The following ZNF449 variants were observed in gnomAD, a reference collection of about 807,000 sequenced individuals.
ZNF449 encodes the protein zinc finger and SCAN domain-containing protein 19.
In ZNF449, 4 loss-of-function variants were observed where a neutral mutation model predicts 32.6. That is an observed-to-expected ratio of 0.12 (90% CI 0.06 to 0.28). The LOEUF is 0.28. Among genes scored for constraint, ZNF449 ranks in the 10% least tolerant of loss-of-function variants. The pLI is 1.00. For synonymous variants in ZNF449, 123 were observed against 132.2 expected, an observed-to-expected ratio of 0.93 and a Z score of 0.48; for missense variants, 275 against 383.2, an observed-to-expected ratio of 0.72 and a Z score of 2.36.
intron 3 of ZNF449, among the ~76,000 whole-genome samples, chrX:135,356,508 G>A (rs1461679427): frequency 1.8e-5 from 2 of 111,018 alleles, no homozygotes; most frequent in African/African-American, 6.5e-5. Context: ...ATTTTTAATT[G>A]AATTATTTGT....
At chrX:135,350,078 C>T (rs1180196889) in intron 3 of ZNF449, among the ~76,000 whole-genome samples, 2 of 107,727 alleles carry the variant, frequency 1.9e-5, no homozygotes, top group Non-Finnish European at 3.8e-5. Flanking sequence ...GCAATCTCGG[C>T]GCACTGTAAC....
In ZNF449 at chrX:135,363,313, T is replaced by A. The variant is rs2084957304; in HGVS notation, c.*2237T>A. 8.9e-6 allele frequency among the ~76,000 whole-genome samples: 1 copy of A among 112,077 alleles called. No individual in the cohort carries two copies. The highest frequency in any genetic ancestry group is 1.9e-5 in the Non-Finnish European group (1 of 53,198). On this transcript the variant is annotated 3_prime_UTR_variant, in exon 5 of 5. Transcript: ENST00000339249. Reference sequence around the variant, plus strand: ...GCATCATTTTTAGCATTTAATACAGTCCATTTTTGGCTAGTAGGGTTAGTT... The same window carrying A: ...GCATCATTTTTAGCATTTAATACAGACCATTTTTGGCTAGTAGGGTTAGTT...
At chrX:135,353,672 TA>T (rs1465059663) in intron 3 of ZNF449, among the ~76,000 whole-genome samples, 1 of 111,842 alleles carries the variant, frequency 8.9e-6, no homozygotes, top group Non-Finnish European at 1.9e-5. Flanking sequence ...CTTTTATTTT[TA>T]ATTGACATGT....
chrX:135,357,821 T>C (rs1033968162), intron 3 of ZNF449, among the ~76,000 whole-genome samples: 2 of 111,383 alleles, frequency 1.8e-5, no homozygotes, highest in Admixed American at 1.9e-4. Context: ...TTGTATGATA[T>C]ATCTTTTTCC....
chrX:135,345,569 C>G (rs1319662221), intron 1 of ZNF449, among the ~76,000 whole-genome samples: 2 of 112,265 alleles, frequency 1.8e-5, no homozygotes, highest in Non-Finnish European at 3.8e-5. Flanking sequence ...CTATTCGCTT[C>G]GCATGCAATT....
intron 3 of ZNF449, 54 bp from the exon 4 acceptor site, chrX:135,359,838 G>T: frequency 1.2e-6 from 1 of 841,233 alleles, no homozygotes; most frequent in Non-Finnish European, 1.7e-6. Context: ...CCTAAATTTT[G>T]GAAAAACCTT....
Position 135,349,097 on chromosome X carries a change from G to A in ZNF449, c.355-13G>A. 2 of 1,210,144 alleles carry A rather than the reference G, an allele frequency of 1.7e-6. No homozygotes were observed. The highest frequency in any genetic ancestry group is 2.2e-6 in the Non-Finnish European group (2 of 894,171). On this transcript the variant is annotated splice_polypyrimidine_tract_variant and intron_variant, in intron 2 of 4. Coordinates refer to ENST00000339249, the MANE Select transcript of ZNF449 (RefSeq NM_152695.6). ...TCTAGACTTGAGAGTGATGGTTCTGGCATTTCCCCCAGGTTGATATGCATG... is the reference window on the plus strand; with the variant it reads ...TCTAGACTTGAGAGTGATGGTTCTGACATTTCCCCCAGGTTGATATGCATG...
chrX:135,347,498 T>C, intron 2 of ZNF449, 26 bp downstream of exon 2: 1 of 1,209,183 alleles, frequency 8.3e-7, no homozygotes, highest in Non-Finnish European at 1.1e-6. Flanking sequence ...GGGATCTTTG[T>C]GATTGGTCCA....
At chrX:135,347,670 CAAAT>C (rs1442518194) in intron 2 of ZNF449, 198 bp downstream of exon 2, 16 of 1,099,853 alleles carry the variant, frequency 1.5e-5, no homozygotes, top group Non-Finnish European at 1.8e-5. Context: ...CCTTCTATAA[CAAAT>C]AGTTTATAAT....
chrX:135,349,026 A>T (rs1233214301), intron 2 of ZNF449, 84 bp from the exon 3 acceptor site: 3 of 1,110,725 alleles, frequency 2.7e-6, no homozygotes, highest in Non-Finnish European at 3.7e-6. Context: ...TAGAAAATTT[A>T]AAATTACATG....
chrX:135,359,538 G>C (rs1458183959), intron 3 of ZNF449, among the ~76,000 whole-genome samples: 4 of 111,150 alleles, frequency 3.6e-5, no homozygotes, highest in Non-Finnish European at 7.6e-5. Flanking sequence ...CAATAGCAGT[G>C]TTTCCCAGTA....
rs782424987 is a variant in ZNF449, at chrX:135,361,115, T to A, written c.*39T>A. On this transcript the variant is annotated 3_prime_UTR_variant, in exon 5 of 5. Transcript: ENST00000339249. Reference sequence around the variant, plus strand: ...AAACAGGTCTTACACAAATTGACACTAACTCAAAAAAAATCTTAACCTGCA... The same window carrying A: ...AAACAGGTCTTACACAAATTGACACAAACTCAAAAAAAATCTTAACCTGCA... The A allele has an allele frequency of 9.2e-7, 1 of 1,083,807 alleles. No individual in the cohort carries two copies. The allele number at this position is 1,083,807 out of a possible 1,213,427, so 89.3% of individuals were successfully genotyped here.
chrX:135,361,053 A>T lies in ZNF449; in HGVS notation c.1534A>T (p.Thr512Ser), dbSNP rs782777061. 2.5e-6 allele frequency: 3 copies of T among 1,187,141 alleles called. No homozygotes were observed. In the South Asian group the frequency reaches 5.7e-5, roughly 23 times the overall value. ...QRAGLIMHQV[T>S]HFRGLI is the part of the protein sequence containing the mutation. ...AGCCGGCCTTATTATGCACCAGGTCACTCACTTTAGAGGACTTATTTAAGA... is the reference window on the plus strand; with the variant it reads ...AGCCGGCCTTATTATGCACCAGGTCTCTCACTTTAGAGGACTTATTTAAGA... The change falls in exon 5 of 5, where the codon ACT (threonine) becomes TCT (serine). Residue 512 changes from threonine (T) to serine (S), a missense_variant. Coordinates refer to ENST00000339249, the MANE Select transcript of ZNF449 (RefSeq NM_152695.6).
At chrX:135,347,767 C>G (rs1296471735) in intron 2 of ZNF449, 3 of 816,018 alleles carry the variant, frequency 3.7e-6, no homozygotes, top group African/African-American at 4.2e-5. Context: ...GTAAATTGCT[C>G]CATGGCCTGA....
chrX:135,354,313 A>G (rs1556451203), intron 3 of ZNF449, among the ~76,000 whole-genome samples: 1 of 112,255 alleles, frequency 8.9e-6, no homozygotes, highest in African/African-American at 3.2e-5. Context: ...AAACCCTTTC[A>G]GTAAGTGTCA....
intron 2 of ZNF449, 130 bp from the exon 3 acceptor site, chrX:135,348,980 G>C (rs901331293): frequency 1.5e-5 from 14 of 946,207 alleles, no homozygotes; most frequent in Non-Finnish European, 2.1e-5. Context: ...TATTAAGATT[G>C]GCCTTACTTT....
In ZNF449 at chrX:135,361,031, C is replaced by T. The variant is rs1556453720; in HGVS notation, c.1512C>T (p.Ala504=). 6 of 1,200,798 alleles carry T rather than the reference C, an allele frequency of 5.0e-6. No individual in the cohort carries two copies. Among genetic ancestry groups the T allele is most frequent in the Admixed American group, 2.3e-5 (1 of 43,910 alleles). Residue 504 remains alanine (A), a synonymous_variant, in exon 5 of 5, where the codon GCC becomes GCT. Coordinates refer to ENST00000339249, the MANE Select transcript of ZNF449 (RefSeq NM_152695.6). ...THCSKSFRQR[A]GLIMHQVTHF... ...GTTCTAAAAGCTTCAGACAGAGAGC[C>T]GGCCTTATTATGCACCAGGTCACTC...
intron 2 of ZNF449, chrX:135,348,771 C>A (rs1556449297): frequency 2.0e-6 from 2 of 1,009,152 alleles, no homozygotes; most frequent in Admixed American, 5.9e-5. Context: ...CTGCTGAATA[C>A]AGTCACTACT....
At chrX:135,350,003 ATT>A (rs552605724) in intron 3 of ZNF449, among the ~76,000 whole-genome samples, 3 of 81,788 alleles carry the variant, frequency 3.7e-5, no homozygotes, top group Non-Finnish European at 7.5e-5. Flanking sequence ...GGGGTTTTCT[ATT>A]TTTTTTTTTT....
Sources: allele counts gnomAD v4.1 joint callset (sites outside exome capture counted in the v4.1 genomes callset), GRCh38; gene constraint gnomAD v4.1.1; transcripts MANE v1.5; gene names NCBI Gene and HGNC (gene_info 2026-07-23, HGNC 2026-07-21).